The following TNRC6B variants were observed in gnomAD, a reference collection of about 807,000 sequenced individuals.
TNRC6B encodes trinucleotide repeat-containing gene 6B protein.
Under a neutral mutation model 203.6 loss-of-function variants are expected in TNRC6B, and 52 were observed. That is an observed-to-expected ratio of 0.26 (90% CI 0.20 to 0.32). The LOEUF (loss-of-function observed/expected upper bound fraction) is 0.32, where lower values mean the gene tolerates loss of function less well. TNRC6B is among the 10% of genes least tolerant of loss of function. The pLI, the probability that TNRC6B is intolerant of heterozygous loss-of-function variation, is 1.00. For synonymous variants in TNRC6B, 838 were observed against 845.7 expected, an observed-to-expected ratio of 0.99 and a Z score of 0.16; for missense variants, 1,923 against 2,286.2, an observed-to-expected ratio of 0.84 and a Z score of 3.24.
At chr22:40,189,664 A>G (rs183466446) in intron 1 of TNRC6B, among the ~76,000 whole-genome samples, 55 of 152,268 alleles carry the variant, frequency 3.6e-4, no homozygotes, top group Admixed American at 2.4e-3. Flanking sequence ...TTTAGTGTCC[A>G]CTTGGGGAAA....
At chr22:40,125,932 G>A in intron 3 of TNRC6B, 1 of 1,425,442 alleles carries the variant, frequency 7.0e-7, no homozygotes, top group African/African-American at 1.4e-5. Flanking sequence ...GAGTAGAATG[G>A]GTATTTCATT....
chr22:40,206,450 T>G, intron 1 of TNRC6B, among the ~76,000 whole-genome samples: 1 of 146,364 alleles, frequency 6.8e-6, no homozygotes. Flanking sequence ...AACATCTAAA[T>G]AGACAGAGCT....
At chr22:40,231,997 A>G (rs1184842529) in intron 1 of TNRC6B, among the ~76,000 whole-genome samples, 1 of 152,214 alleles carries the variant, frequency 6.6e-6, no homozygotes, top group African/African-American at 2.4e-5. Flanking sequence ...ATTCTGGAAA[A>G]TATAGTTCCA....
chr22:40,282,920 T>C (rs920368727), intron 11 of TNRC6B, among the ~76,000 whole-genome samples: 10 of 152,198 alleles, frequency 6.6e-5, no homozygotes, highest in Admixed American at 2.0e-4. Flanking sequence ...ACTCAGGTAA[T>C]TGTAAAAGCC....
chr22:40,237,534 A>C (rs1187145324), intron 1 of TNRC6B, among the ~76,000 whole-genome samples: 1 of 148,282 alleles, frequency 6.7e-6, no homozygotes, highest in African/African-American at 2.5e-5. Flanking sequence ...GGTGTAGATG[A>C]GGGTGACTAC....
chr22:40,296,477 G>A (rs2070943524), intron 12 of TNRC6B, among the ~76,000 whole-genome samples: 1 of 151,622 alleles, frequency 6.6e-6, no homozygotes, highest in Non-Finnish European at 1.5e-5. Flanking sequence ...GACTACAGGC[G>A]CCCGCCATCA....
chr22:40,249,051 T>C (rs2070148277), intron 2 of TNRC6B, among the ~76,000 whole-genome samples: 1 of 152,206 alleles, frequency 6.6e-6, no homozygotes, highest in African/African-American at 2.4e-5. Flanking sequence ...GCCAGAGATC[T>C]ATCATGTGGT....
At chr22:40,207,623 A>G (rs2069500038) in intron 1 of TNRC6B, among the ~76,000 whole-genome samples, 1 of 151,958 alleles carries the variant, frequency 6.6e-6, no homozygotes, top group African/African-American at 2.4e-5. Context: ...CAGAACTCCT[A>G]CTAATCAATA....
chr22:40,057,893 C>G (rs1235083055), intron 1 of TNRC6B, among the ~76,000 whole-genome samples: 2 of 152,198 alleles, frequency 1.3e-5, no homozygotes, highest in South Asian at 2.1e-4. Context: ...CAGATGTTAT[C>G]TCTGTAGACC....
In TNRC6B at chr22:40,300,392, G is replaced by A. The variant is rs781249886; in HGVS notation, c.3709-63G>A. The A allele has an allele frequency of 3.7e-4, 536 of 1,433,344 alleles. 3 individuals carry two copies. The highest frequency in any genetic ancestry group is 4.2e-4 in the Non-Finnish European group (455 of 1,084,652). 88.8% of individuals were successfully genotyped at this position (1,433,344 alleles called of 1,614,324 possible). ...TCAAGATTCTTTTCACAGAAAAACA[G>A]TTTTATTTTGATAAATTCTGAAGAT... On this transcript the variant is annotated intron_variant, in intron 12 of 22. Transcript: ENST00000454349.
At chr22:40,233,685 A>T (rs147344099) in intron 1 of TNRC6B, among the ~76,000 whole-genome samples, 1 of 152,210 alleles carries the variant, frequency 6.6e-6, no homozygotes, top group African/African-American at 2.4e-5. Context: ...AATTCCTTGC[A>T]TATGCCTTAA....
intron 1 of TNRC6B, among the ~76,000 whole-genome samples, chr22:40,233,450 C>T (rs573866555): frequency 1.3e-5 from 2 of 151,820 alleles, no homozygotes; most frequent in South Asian, 4.2e-4. Flanking sequence ...GGCAAAACCC[C>T]GTCTCTACTA....
In TNRC6B at chr22:40,331,827, C is replaced by T. The variant is rs1447301284; in HGVS notation, c.*8586C>T. 2.7e-6 allele frequency: 1 copy of T among 366,084 alleles called. No homozygotes were observed. Among genetic ancestry groups the T allele is most frequent in the East Asian group, 3.7e-5 (1 of 26,784 alleles). The allele number at this position is 366,084 out of a possible 1,614,324, so 22.7% of individuals were successfully genotyped here. On this transcript the variant is annotated 3_prime_UTR_variant, in exon 23 of 23. Coordinates refer to ENST00000454349, the MANE Select transcript of TNRC6B (RefSeq NM_001162501.2). ...CTTCAGTTTCTGTGTCCATGGTGTCCCCGTGTCCTGGAGGGGAAGGGGAGT... is the reference window on the plus strand; with the variant it reads ...CTTCAGTTTCTGTGTCCATGGTGTCTCCGTGTCCTGGAGGGGAAGGGGAGT...
intron 22 of TNRC6B, chr22:40,321,798 AAC>A (rs996135100): frequency 2.0e-5 from 3 of 152,926 alleles, no homozygotes; most frequent in Non-Finnish European, 4.4e-5. Context: ...AAAGAAAAAA[AAC>A]ACACAGCTAA....
At chr22:40,214,375 C>G (rs1051479401) in intron 1 of TNRC6B, among the ~76,000 whole-genome samples, 1 of 152,078 alleles carries the variant, frequency 6.6e-6, no homozygotes, top group East Asian at 1.9e-4. Flanking sequence ...ACTAAATACA[C>G]ACATAAACGA....
intron 1 of TNRC6B, among the ~76,000 whole-genome samples, chr22:40,226,707 G>A (rs1198857717): frequency 6.6e-6 from 1 of 152,090 alleles, no homozygotes; most frequent in Non-Finnish European, 1.5e-5. Flanking sequence ...CTTATTTTTT[G>A]ATTCCTTGCC....
intron 1 of TNRC6B, among the ~76,000 whole-genome samples, chr22:40,056,692 A>G (rs544512642): frequency 2.0e-5 from 3 of 152,012 alleles, no homozygotes; most frequent in Non-Finnish European, 4.4e-5. Context: ...TAGCTACTCA[A>G]AAGGCTGAGG....
At chr22:40,176,550 G>T (rs1291715401), upstream of TNRC6B, among the ~76,000 whole-genome samples, 1 of 152,144 alleles carries the variant, frequency 6.6e-6, no homozygotes, top group Admixed American at 6.5e-5. Flanking sequence ...TCAGGTGGCA[G>T]ATTTCCTCCT....
intron 3 of TNRC6B, among the ~76,000 whole-genome samples, chr22:40,148,534 GC>G (rs1331695813): frequency 6.6e-6 from 1 of 151,928 alleles, no homozygotes; most frequent in Admixed American, 6.6e-5. Flanking sequence ...TGCCCGCCTT[GC>G]CCCCCACAAA....
Sources: allele counts gnomAD v4.1 joint callset (sites outside exome capture counted in the v4.1 genomes callset), GRCh38; gene constraint gnomAD v4.1.1; transcripts MANE v1.5; gene names NCBI Gene and HGNC (gene_info 2026-07-23, HGNC 2026-07-21).